Variants in PKHD1L1 observed in about 807,000 individuals in gnomAD.
The protein encoded by PKHD1L1 is fibrocystin-L.
In PKHD1L1, 434 loss-of-function variants were observed where a neutral mutation model predicts 462.9. The ratio of observed to expected loss-of-function variants is 0.94; its 90% CI spans 0.87 to 1.02. The LOEUF is 1.02. Among genes scored for constraint, PKHD1L1 ranks in the 50% least tolerant of loss-of-function variants. The pLI is 0.00. For synonymous variants in PKHD1L1, 1,781 were observed against 1,750.0 expected, an observed-to-expected ratio of 1.02 and a Z score of -0.44; for missense variants, 5,202 against 5,096.1, an observed-to-expected ratio of 1.02 and a Z score of -0.63.
intron 59 of PKHD1L1, among the ~76,000 whole-genome samples, chr8:109,489,075 T>A (rs536071253): frequency 1.3e-4 from 20 of 151,972 alleles, no homozygotes; most frequent in Non-Finnish European, 2.6e-4. Flanking sequence ...CTTGTAGTAA[T>A]CATGTCTTCT....
At chr8:109,421,896 C>G (rs1329527442) in intron 23 of PKHD1L1, among the ~76,000 whole-genome samples, 1 of 152,172 alleles carries the variant, frequency 6.6e-6, no homozygotes, top group Non-Finnish European at 1.5e-5. Flanking sequence ...ACTGTAACCT[C>G]TATCTTTAAT....
In PKHD1L1 at chr8:109,464,396, A is replaced by G; in HGVS notation, c.7564A>G (p.Lys2522Glu). The G allele has an allele frequency of 6.2e-7, 1 of 1,613,450 alleles. No individual in the cohort carries two copies. Among genetic ancestry groups the G allele is most frequent in the Non-Finnish European group, 8.5e-7 (1 of 1,179,640 alleles). ...LVERNIIYDIKGGAFFIEDGI... is the reference protein window; with the variant it reads ...LVERNIIYDIEGGAFFIEDGI... ...TGAGAGGAATATTATATATGATATTAAGGGAGGAGCATTTTTTATAGAAGA... is the reference window on the plus strand; with the variant it reads ...TGAGAGGAATATTATATATGATATTGAGGGAGGAGCATTTTTTATAGAAGA... The change falls in exon 49 of 78, where the codon AAG becomes GAG. Residue 2522 changes from lysine (K) to glutamate (E), a missense_variant. Physicochemically the swap from Lys to Glu is moderately conservative, Grantham distance 56 (BLOSUM62 1). This residue lies in a region of PKHD1L1 where 4,497 missense variants were observed against 4,336.8 expected (regional missense o/e 1.04). Coordinates refer to ENST00000378402, the MANE Select transcript of PKHD1L1 (RefSeq NM_177531.6).
chr8:109,382,735 A>C (rs1812191088), intron 4 of PKHD1L1, among the ~76,000 whole-genome samples, 164 bp downstream of exon 4: 1 of 151,940 alleles, frequency 6.6e-6, no homozygotes, highest in African/African-American at 2.4e-5. Context: ...TTCCATAGTA[A>C]TTTAATGTCT....
intron 22 of PKHD1L1, among the ~76,000 whole-genome samples, chr8:109,419,666 G>A (rs999458027): frequency 5.3e-5 from 8 of 152,088 alleles, no homozygotes; most frequent in Admixed American, 5.2e-4. Flanking sequence ...AGACTTAAGA[G>A]TGATAATTAA....
chr8:109,484,959 A>C (rs963214225), intron 57 of PKHD1L1, 85 bp from the exon 58 acceptor site: 12 of 1,173,174 alleles, frequency 1.0e-5, no homozygotes, highest in South Asian at 1.8e-5. Context: ...ATATACATTA[A>C]ATTTGAATGA....
At chr8:109,502,073 C>G (rs1339351924) in intron 67 of PKHD1L1, among the ~76,000 whole-genome samples, 1 of 152,030 alleles carries the variant, frequency 6.6e-6, no homozygotes, top group African/African-American at 2.4e-5. Flanking sequence ...CCACACCACA[C>G]CATACCACAC....
chr8:109,445,782 C>T, intron 38 of PKHD1L1, 137 bp downstream of exon 38: 1 of 954,330 alleles, frequency 1.0e-6, no homozygotes, highest in South Asian at 1.8e-5. Flanking sequence ...ACCTGGGATT[C>T]AAGCTCTGTG....
At chr8:109,524,624 T>C (rs973244736) in intron 76 of PKHD1L1, among the ~76,000 whole-genome samples, 10 of 152,184 alleles carry the variant, frequency 6.6e-5, no homozygotes, top group African/African-American at 1.9e-4. Flanking sequence ...AGCACTAAAA[T>C]AGGTTTTGGC....
In PKHD1L1 at chr8:109,530,100, C is replaced by A; in HGVS notation, c.*10C>A. Reference sequence around the variant, plus strand: ...TTCAGGAAGCTACTAAAGTGCTGTTCCGAAGAATAGGCTGAAACAAAAATA... The same window carrying A: ...TTCAGGAAGCTACTAAAGTGCTGTTACGAAGAATAGGCTGAAACAAAAATA... On this transcript the variant is annotated 3_prime_UTR_variant, in exon 78 of 78. Transcript: ENST00000378402. The A allele has an allele frequency of 6.7e-6, 9 of 1,353,066 alleles. No homozygotes were observed. In the South Asian group the frequency reaches 1.1e-4, roughly 17 times the overall value. 83.8% of individuals were successfully genotyped at this position (1,353,066 alleles called of 1,614,324 possible). A position where few individuals can be genotyped will look rare whatever the true frequency, so the allele number is the denominator to read the frequency against.
intron 73 of PKHD1L1, among the ~76,000 whole-genome samples, chr8:109,518,903 G>A (rs1316816741): frequency 6.6e-6 from 1 of 152,110 alleles, no homozygotes; most frequent in African/African-American, 2.4e-5. Context: ...CATTTGAAGA[G>A]AGGAAACAGG....
intron 21 of PKHD1L1, among the ~76,000 whole-genome samples, chr8:109,416,930 C>T (rs13438836): frequency 0.17 from 25,455 of 152,044 alleles, 2,363 homozygotes; most frequent in South Asian, 0.29. Context: ...TGATGCCTAT[C>T]GCCCTTATGC....
chr8:109,423,570 T>C (rs1030712212), intron 23 of PKHD1L1, among the ~76,000 whole-genome samples: 4 of 152,204 alleles, frequency 2.6e-5, no homozygotes, highest in Admixed American at 2.6e-4. Flanking sequence ...CTTCTTACTT[T>C]ATTTTTCTTG....
At chr8:109,409,310 G>C (rs1351605670) in intron 18 of PKHD1L1, among the ~76,000 whole-genome samples, 2 of 151,304 alleles carry the variant, frequency 1.3e-5, no homozygotes, top group Non-Finnish European at 2.9e-5. Context: ...ATGCAGTGGT[G>C]TGATCTCCAC....
At chr8:109,437,440 C>G (rs1815487869) in intron 30 of PKHD1L1, among the ~76,000 whole-genome samples, 1 of 151,280 alleles carries the variant, frequency 6.6e-6, no homozygotes, top group Admixed American at 6.6e-5. Flanking sequence ...TGTGCTGCAC[C>G]CATTAACTTG....
rs1814327256 is a variant in PKHD1L1, at chr8:109,419,078, T to G, written c.2361-19T>G. On this transcript the variant is annotated intron_variant, in intron 21 of 77. Coordinates refer to ENST00000378402, the MANE Select transcript of PKHD1L1 (RefSeq NM_177531.6). ...CATTACCACTGATCTATACAACAAA[T>G]TAATCAACCGTATTTCAGCTGGACT... 3.7e-6 allele frequency: 6 copies of G among 1,603,406 alleles called. No homozygotes were observed. The South Asian group carries it at 6.7e-5, about 18-fold the overall frequency.
chr8:109,448,062 AAAAGT>A, intron 38 of PKHD1L1, 76 bp from the exon 39 acceptor site: 2 of 1,240,640 alleles, frequency 1.6e-6, no homozygotes, highest in African/African-American at 1.5e-5. Context: ...TTTTATTTGT[AAAAGT>A]AAAGAGGTAT....
chr8:109,506,801 G>T (rs569866824), intron 68 of PKHD1L1, among the ~76,000 whole-genome samples: 1 of 152,254 alleles, frequency 6.6e-6, no homozygotes, highest in African/African-American at 2.4e-5. Flanking sequence ...GATCTGAGCT[G>T]TCCACTATTA....
chr8:109,443,902 G>A lies in PKHD1L1; in HGVS notation c.4791G>A (p.Lys1597=). The change falls in exon 37 of 78, where the codon AAG becomes AAA. Residue 1597 remains lysine, a splice_region_variant and synonymous_variant. Coordinates refer to ENST00000378402, the MANE Select transcript of PKHD1L1 (RefSeq NM_177531.6). ...TTAGTAATCTCCCATGGGCTAATAA[G>A]GTAAGAATATAAATACCTCCTTTGT... The part of the protein sequence containing the change: ...HGFSNLPWAN[K]VTIGSYPCVV... 6.3e-7 allele frequency: 1 copy of A among 1,595,620 alleles called. No individual in the cohort carries two copies. Among genetic ancestry groups the A allele is most frequent in the Non-Finnish European group, 8.6e-7 (1 of 1,165,186 alleles).
intron 2 of PKHD1L1, among the ~76,000 whole-genome samples, chr8:109,379,789 G>A (rs568667467): frequency 7.9e-5 from 12 of 152,212 alleles, no homozygotes; most frequent in African/African-American, 2.6e-4. Context: ...CTACCACCAT[G>A]GTCTACTCAG....
Sources: gnomAD v4.1 joint callset for allele counts (sites outside exome capture counted in the v4.1 genomes callset) on GRCh38, gnomAD v4.1.1 for gene constraint, gnomAD v4.1.1 regional missense constraint, MANE v1.5 for transcripts, NCBI Gene and HGNC (gene_info 2026-07-23, HGNC 2026-07-21) for gene names.